The following FBLN5 variants were observed in gnomAD, a reference collection of about 807,000 sequenced individuals.
FBLN5 encodes the protein fibulin 5.
In FBLN5, 24 loss-of-function variants were observed where a neutral mutation model predicts 61.6. The observed-to-expected ratio is 0.39, with a 90% CI of 0.28 to 0.55. The LOEUF (loss-of-function observed/expected upper bound fraction) is 0.55, where lower values mean the gene tolerates loss of function less well. Ranked by LOEUF, FBLN5 falls within the 20% of genes least tolerant of loss-of-function variation. The pLI, the probability that FBLN5 is intolerant of heterozygous loss-of-function variation, is 0.65. For synonymous variants in FBLN5, 213 were observed against 219.8 expected (o/e 0.97, Z 0.27); for missense variants, 470 against 594.1 (o/e 0.79, Z 2.17).
At chr14:91,908,009 T>A (rs1277565657) in intron 4 of FBLN5, among the ~76,000 whole-genome samples, 1 of 152,142 alleles carries the variant, frequency 6.6e-6, no homozygotes, top group Non-Finnish European at 1.5e-5. Flanking sequence ...CTCCCCAAAA[T>A]ATATTCACTG....
intron 10 of FBLN5, among the ~76,000 whole-genome samples, chr14:91,872,541 C>T (rs1244912780): frequency 7.2e-5 from 11 of 152,154 alleles, no homozygotes; most frequent in Admixed American, 7.2e-4. Context: ...AAGGAGGGCG[C>T]CCCATAAAGT....
chr14:91,894,419 A>AAC (rs1890127705), intron 5 of FBLN5, among the ~76,000 whole-genome samples: 1 of 145,674 alleles, frequency 6.9e-6, no homozygotes, highest in East Asian at 2.1e-4. Context: ...AAAAAAAAAA[A>AAC]AAAAAAAACC....
At chr14:91,870,809 G>C (rs929610) in intron 10 of FBLN5, among the ~76,000 whole-genome samples, 53,511 of 152,024 alleles carry the variant, frequency 0.35, 9,631 homozygotes, top group East Asian at 0.44. Context: ...CCCCCTAGAA[G>C]CCAGCATGGT....
intron 10 of FBLN5, among the ~76,000 whole-genome samples, chr14:91,871,681 A>G (rs1020426295): frequency 2.6e-5 from 4 of 152,152 alleles, no homozygotes; most frequent in African/African-American, 9.6e-5. Flanking sequence ...ATATGGTGAA[A>G]CCCCATCTCT....
intron 9 of FBLN5, chr14:91,877,999 T>C: frequency 4.1e-6 from 2 of 488,662 alleles, no homozygotes; most frequent in Non-Finnish European, 8.0e-6. Flanking sequence ...AGGCCAAATA[T>C]GCCACTCCAG....
chr14:91,900,240 T>C (rs1417163169), intron 4 of FBLN5, among the ~76,000 whole-genome samples: 1 of 152,218 alleles, frequency 6.6e-6, no homozygotes, highest in East Asian at 1.9e-4. Context: ...GATTATTAAA[T>C]AAAATCTCTA....
At chr14:91,923,209 A>G (rs2055771469) in intron 4 of FBLN5, among the ~76,000 whole-genome samples, 1 of 152,146 alleles carries the variant, frequency 6.6e-6, no homozygotes, top group African/African-American at 2.4e-5. Context: ...CAACCACCCA[A>G]TGAGCTTGTG....
chr14:91,936,944 C>A lies in FBLN5; in HGVS notation c.379+3G>T, dbSNP rs1330861853. On this transcript the variant is annotated splice_donor_region_variant and intron_variant, in intron 4 of 10. Transcript: ENST00000342058. Reference sequence around the variant, plus strand: ...GAGAGGAACAAAAGGCCGGGCTACTCACCCACACATTGGTTGCTTTCATCC... The same window carrying A: ...GAGAGGAACAAAAGGCCGGGCTACTAACCCACACATTGGTTGCTTTCATCC... 6.2e-7 allele frequency: 1 copy of A among 1,614,186 alleles called. No individual in the cohort carries two copies. Among genetic ancestry groups the A allele is most frequent in the Non-Finnish European group, 8.5e-7 (1 of 1,180,044 alleles).
chr14:91,904,826 C>T (rs935929209), intron 4 of FBLN5, among the ~76,000 whole-genome samples: 2 of 152,296 alleles, frequency 1.3e-5, no homozygotes, highest in Non-Finnish European at 2.9e-5. Context: ...TGGGGGGATA[C>T]AAATGTTCAG....
chr14:91,928,885 C>T (rs2055874725), intron 4 of FBLN5, among the ~76,000 whole-genome samples: 1 of 151,708 alleles, frequency 6.6e-6, no homozygotes, highest in African/African-American at 2.4e-5. Flanking sequence ...TGTGAAACCC[C>T]ATCTCTACTA....
At chr14:91,939,379 G>C (rs2056071105) in intron 3 of FBLN5, among the ~76,000 whole-genome samples, 1 of 129,450 alleles carries the variant, frequency 7.7e-6, no homozygotes, top group Non-Finnish European at 1.6e-5. Context: ...TCTCTCTGTT[G>C]CCCAGGCTGG....
intron 4 of FBLN5, among the ~76,000 whole-genome samples, chr14:91,935,197 G>C (rs764361607): frequency 7.2e-5 from 11 of 152,248 alleles, no homozygotes; most frequent in Non-Finnish European, 1.3e-4. Context: ...GAGGGACCAG[G>C]GGAGGAATAG....
intron 4 of FBLN5, among the ~76,000 whole-genome samples, chr14:91,905,396 T>C (rs1890642341): frequency 6.6e-6 from 1 of 152,016 alleles, no homozygotes; most frequent in Admixed American, 6.5e-5. Context: ...CAACAGGGTG[T>C]GTCATGAAGC....
At chr14:91,909,136 C>T (rs568943288) in intron 4 of FBLN5, among the ~76,000 whole-genome samples, 2 of 152,136 alleles carry the variant, frequency 1.3e-5, no homozygotes, top group African/African-American at 4.8e-5. Context: ...CCAGGATGGT[C>T]TCAATCTCCT....
At chr14:91,904,984 G>T (rs1861086) in intron 4 of FBLN5, among the ~76,000 whole-genome samples, 1,727 of 152,226 alleles carry the variant, frequency 0.011, 43 homozygotes, top group African/African-American at 0.039. Context: ...CACCTTCCTG[G>T]CCTGAAAATT....
At position 91,892,496 on chromosome 14, in the gene FBLN5, T is replaced by C. The variant is rs780000293; in HGVS notation, c.503-1159A>G. Among the ~76,000 whole-genome samples the C allele has an allele frequency of 5.9e-5, 9 of 152,336 alleles. No individual in the cohort carries two copies. In the Middle Eastern group the frequency reaches 0.014, roughly 230 times the overall value. Reference sequence around the variant, plus strand: ...AGATCCATCTTGATCCCTTACCTATTGTTCAGCCCTTCTCAGATTCTGTGC... The same window carrying C: ...AGATCCATCTTGATCCCTTACCTATCGTTCAGCCCTTCTCAGATTCTGTGC... On this transcript the variant is annotated intron_variant, in intron 5 of 10. Transcript: ENST00000342058.
intron 4 of FBLN5, among the ~76,000 whole-genome samples, chr14:91,914,820 T>TTTTTGTTTTG (rs528736723): frequency 1.3e-5 from 2 of 151,892 alleles, no homozygotes; most frequent in African/African-American, 4.8e-5. Flanking sequence ...GTGGTTTTTT[T>TTTTTGTTTTG]TTTTGTTTTG....
intron 1 of FBLN5, among the ~76,000 whole-genome samples, chr14:91,945,246 G>T (rs553260228): frequency 1.4e-5 from 2 of 146,668 alleles, no homozygotes; most frequent in African/African-American, 2.5e-5. Context: ...AAAAAAAAAA[G>T]AAAATCTAAA....
At chr14:91,945,878 T>G (rs1026078405) in intron 1 of FBLN5, among the ~76,000 whole-genome samples, 11 of 152,176 alleles carry the variant, frequency 7.2e-5, no homozygotes, top group Admixed American at 2.6e-4. Flanking sequence ...ATGGCCAGAT[T>G]TATATCTGGA....
Sources: gnomAD v4.1 joint callset for allele counts (sites outside exome capture counted in the v4.1 genomes callset) on GRCh38, gnomAD v4.1.1 for gene constraint, MANE v1.5 for transcripts, NCBI Gene and HGNC (gene_info 2026-07-23, HGNC 2026-07-21) for gene names.